The following SHTN1 variants were observed in gnomAD, a reference collection of about 807,000 sequenced individuals.
SHTN1 encodes shootin-1.
Under a neutral mutation model 83.1 loss-of-function variants are expected in SHTN1, and 42 were observed. That is an observed-to-expected ratio of 0.51 (90% CI 0.39 to 0.65). The LOEUF (loss-of-function observed/expected upper bound fraction) is 0.65. Ranked by LOEUF, SHTN1 falls within the 30% of genes least tolerant of loss-of-function variation. The pLI, the probability that SHTN1 is intolerant of heterozygous loss-of-function variation, is 0.00. For missense variants in SHTN1, 622 were observed against 737.8 expected (o/e 0.84, Z 1.82); for synonymous variants, 224 against 247.7 (o/e 0.90, Z 0.90).
intron 1 of SHTN1, among the ~76,000 whole-genome samples, chr10:116,998,597 C>T (rs1182209032): frequency 6.6e-6 from 1 of 152,082 alleles, no homozygotes; most frequent in Non-Finnish European, 1.5e-5. Context: ...TGTTATTATC[C>T]ATGATTTCAG....
chr10:116,974,912 A>C, intron 2 of SHTN1, among the ~76,000 whole-genome samples: 1 of 152,166 alleles, frequency 6.6e-6, no homozygotes, highest in Admixed American at 6.6e-5. Context: ...TGGAGGCATG[A>C]CTAACATTTG....
intron 3 of SHTN1, 132 bp from the exon 4 acceptor site, chr10:116,960,362 A>C: frequency 1.8e-6 from 1 of 554,016 alleles, no homozygotes; most frequent in South Asian, 2.8e-5. Context: ...CACTGAAAAA[A>C]GGTTTTTGAG....
intron 16 of SHTN1, chr10:116,900,639 T>G (rs1477276554): frequency 1.3e-6 from 2 of 1,514,606 alleles, no homozygotes; most frequent in Non-Finnish European, 1.8e-6. Context: ...GTCTGGATAT[T>G]GGTTCAAATG....
In SHTN1 at chr10:117,045,192, A is replaced by G. The variant is rs182428624; in HGVS notation, c.-123+3253T>C. Among the ~76,000 whole-genome samples, 25 of 152,256 alleles carry G rather than the reference A, an allele frequency of 1.6e-4. No individual in the cohort carries two copies. In the East Asian group the frequency reaches 4.6e-3, roughly 28 times the overall value. On this transcript the variant is annotated intron_variant, in intron 2 of 17. Coordinates refer to the SHTN1 transcript ENST00000392901. The stretch of plus-strand genomic sequence containing the variant: ...GTATCAGCAGAAATAAAAGTAACAA[A>G]CTCTGGAAATCTTCTCCTTAAAAGC...
At chr10:117,072,313 G>A (rs1174074969) in intron 1 of SHTN1, among the ~76,000 whole-genome samples, 2 of 152,160 alleles carry the variant, frequency 1.3e-5, no homozygotes, top group East Asian at 1.9e-4. Flanking sequence ...ATAGCAGACG[G>A]GAAGAGGACT....
chr10:116,929,971 T>C lies in SHTN1; in HGVS notation c.890A>G (p.Glu297Gly). The change falls in exon 10 of 17, where the codon GAA (glutamate) becomes GGA (glycine). Residue 297 changes from glutamate (E) to glycine (G), a missense_variant. By Grantham distance (98) the Glu-to-Gly change is moderately conservative. Coordinates refer to ENST00000355371, the MANE Select transcript of SHTN1 (RefSeq NM_001127211.3). ...VKELEEQLEN[E>G]TLHKEIHNLK... ...GTTGTGTATTTCTTTGTGGAGTGTT[T>C]CATTTTCTAGTTGCTCTTCTAATTC... 6.3e-7 allele frequency: 1 copy of C among 1,599,738 alleles called. No individual in the cohort carries two copies. Among genetic ancestry groups the C allele is most frequent in the Non-Finnish European group, 8.5e-7 (1 of 1,173,142 alleles).
intron 16 of SHTN1, among the ~76,000 whole-genome samples, chr10:116,892,305 C>T (rs960688296): frequency 1.3e-5 from 2 of 152,156 alleles, no homozygotes; most frequent in African/African-American, 2.4e-5. Flanking sequence ...TTCAGGAAAC[C>T]GGACTATTCT....
At chr10:117,120,570 T>C (rs1853908531) in intron 1 of SHTN1, among the ~76,000 whole-genome samples, 1 of 152,058 alleles carries the variant, frequency 6.6e-6, no homozygotes, top group Non-Finnish European at 1.5e-5. Flanking sequence ...TTTTACATAT[T>C]GCACGCCTAT....
intron 2 of SHTN1, among the ~76,000 whole-genome samples, chr10:117,011,468 T>C (rs555153697): frequency 2.6e-5 from 4 of 152,312 alleles, no homozygotes; most frequent in African/African-American, 7.2e-5. Context: ...TCTGTCCTTA[T>C]GCCAGTACCA....
At chr10:117,109,890 G>C (rs190843770) in intron 1 of SHTN1, among the ~76,000 whole-genome samples, 14 of 152,038 alleles carry the variant, frequency 9.2e-5, no homozygotes, top group Non-Finnish European at 1.3e-4. Flanking sequence ...ATTTCAATAA[G>C]TAATAATCTT....
intron 1 of SHTN1, among the ~76,000 whole-genome samples, chr10:117,125,585 T>C (rs887953804): frequency 2.6e-5 from 4 of 152,170 alleles, no homozygotes; most frequent in African/African-American, 7.2e-5. Context: ...AGGCCCTTCC[T>C]TGACCAGGCC....
At chr10:117,069,654 G>A (rs1012939171) in intron 1 of SHTN1, among the ~76,000 whole-genome samples, 7 of 152,150 alleles carry the variant, frequency 4.6e-5, no homozygotes, top group Admixed American at 1.3e-4. Flanking sequence ...CATTTATAAA[G>A]TCCAAGTGGC....
intron 1 of SHTN1, 90 bp downstream of exon 1, chr10:117,004,932 C>G: frequency 8.3e-7 from 1 of 1,203,474 alleles, no homozygotes; most frequent in Middle Eastern, 2.8e-4. Flanking sequence ...GTCTCCCGCC[C>G]GGCTTCCAAC....
intron 16 of SHTN1, chr10:116,900,301 C>G: frequency 1.9e-6 from 1 of 539,730 alleles, no homozygotes; most frequent in Non-Finnish European, 3.3e-6. Flanking sequence ...GTCTCTTAAG[C>G]AGTCATTGAA....
rs77258279 is a variant in SHTN1 at position 117,124,833 on chromosome 10, G to T, written c.-189+1474C>A. On this transcript the variant is annotated intron_variant, in intron 1 of 17. Coordinates refer to the SHTN1 transcript ENST00000392901. ...TTACAGATGAGGATTCTGACTGAAA[G>T]AAGTTATTTGCCTAAGTTCACATGG... is the stretch of plus-strand genomic sequence containing the variant. Among the ~76,000 whole-genome samples the T allele has an allele frequency of 6.7e-3, 1,025 of 152,332 alleles. 5 individuals carry two copies. Among genetic ancestry groups the T allele is most frequent in the Non-Finnish European group, 6.6e-3 (450 of 68,032 alleles).
Position 117,071,804 on chromosome 10 carries a change from C to T in SHTN1, c.-188-23294G>A, listed in dbSNP as rs552845114. Reference sequence around the variant, plus strand: ...CTGTAACCCCAGCACTTTGGGAGGCCGAGGCGGGCAGGAGACCTAGAATCC... The same window carrying T: ...CTGTAACCCCAGCACTTTGGGAGGCTGAGGCGGGCAGGAGACCTAGAATCC... On this transcript the variant is annotated intron_variant, in intron 1 of 17. Transcript: ENST00000392901. 6.6e-5 allele frequency among the ~76,000 whole-genome samples: 10 copies of T among 152,188 alleles called. No individual in the cohort carries two copies. The South Asian group carries it at 1.5e-3, about 22-fold the overall frequency.
intron 2 of SHTN1, among the ~76,000 whole-genome samples, chr10:117,035,002 A>G (rs1852474696): frequency 6.6e-6 from 1 of 152,254 alleles, no homozygotes; most frequent in East Asian, 1.9e-4. Flanking sequence ...TGGAACCACA[A>G]AAGATCCAGA....
At chr10:116,990,605 AG>A (rs1463102394) in intron 1 of SHTN1, among the ~76,000 whole-genome samples, 1 of 152,120 alleles carries the variant, frequency 6.6e-6, no homozygotes, top group East Asian at 1.9e-4. Context: ...CTGGATCTTG[AG>A]GGGAACTGCA....
chr10:116,950,008 T>C (rs996613636), intron 6 of SHTN1, among the ~76,000 whole-genome samples: 4 of 152,166 alleles, frequency 2.6e-5, no homozygotes, highest in East Asian at 1.9e-4. Context: ...TGTAAATATA[T>C]GCACTGACAT....
Sources: gnomAD v4.1 joint callset for allele counts (sites outside exome capture counted in the v4.1 genomes callset) on GRCh38, gnomAD v4.1.1 for gene constraint, MANE v1.5 for transcripts, NCBI Gene and HGNC (gene_info 2026-07-23, HGNC 2026-07-21) for gene names.